Variants in FBXL13 observed in about 807,000 individuals in gnomAD.
The protein encoded by FBXL13 is F-box and leucine-rich repeat protein 13.
A neutral mutation model predicts 83.6 loss-of-function variants in FBXL13; 67 were observed. That is an observed-to-expected ratio of 0.80 (90% CI 0.66 to 0.98). FBXL13 has a LOEUF of 0.98. FBXL13 is among the 50% of genes least tolerant of loss of function. The pLI is 0.00. For synonymous variants in FBXL13, 272 were observed against 299.5 expected, an observed-to-expected ratio of 0.91 and a Z score of 0.95; for missense variants, 822 against 866.5, an observed-to-expected ratio of 0.95 and a Z score of 0.64.
At chr7:103,020,796 G>A (rs967347863) in intron 6 of FBXL13, among the ~76,000 whole-genome samples, 3 of 152,048 alleles carry the variant, frequency 2.0e-5, no homozygotes, top group Admixed American at 6.6e-5. Context: ...GGACCTCTTC[G>A]AGGAGAACTA....
At chr7:102,973,322 A>G in intron 6 of FBXL13, 1 of 577,342 alleles carries the variant, frequency 1.7e-6, no homozygotes, top group South Asian at 1.7e-5. Flanking sequence ...TCAGCAAGAT[A>G]GCAGAAGCAG....
At chr7:103,033,230 G>A (rs1482350407) in intron 2 of FBXL13, among the ~76,000 whole-genome samples, 1 of 152,108 alleles carries the variant, frequency 6.6e-6, no homozygotes, top group South Asian at 2.1e-4. Context: ...AATGGGGATG[G>A]GGTGGGGAGC....
chr7:102,957,640 C>T (rs902282860), intron 8 of FBXL13, among the ~76,000 whole-genome samples: 2 of 152,002 alleles, frequency 1.3e-5, no homozygotes, highest in South Asian at 2.1e-4. Context: ...ACCCATCTGA[C>T]AAAGGGCTAA....
intron 2 of FBXL13, among the ~76,000 whole-genome samples, chr7:103,034,599 G>T (rs1426103123): frequency 6.6e-6 from 1 of 152,196 alleles, no homozygotes; most frequent in South Asian, 2.1e-4. Flanking sequence ...ACACCTCCTC[G>T]CAAGCTGAGG....
At chr7:102,823,442 G>A (rs1031920527) in intron 18 of FBXL13, among the ~76,000 whole-genome samples, 1 of 152,150 alleles carries the variant, frequency 6.6e-6, no homozygotes, top group African/African-American at 2.4e-5. Context: ...CAGATGTTTG[G>A]AAGCAAGGGG....
chr7:102,971,166 G>A (rs1356714275), intron 6 of FBXL13, among the ~76,000 whole-genome samples: 1 of 152,140 alleles, frequency 6.6e-6, no homozygotes, highest in Non-Finnish European at 1.5e-5. Flanking sequence ...CCAAAGCACA[G>A]GAAAATTTTT....
chr7:102,902,978 G>A (rs1027641551), intron 11 of FBXL13, among the ~76,000 whole-genome samples: 7 of 151,654 alleles, frequency 4.6e-5, no homozygotes, highest in Non-Finnish European at 1.0e-4. Flanking sequence ...CTGGTATTTT[G>A]ATAGGGATTT....
rs142681662 is a variant in FBXL13, at chr7:102,931,954, G to A, written c.725-21C>T. The A allele has an allele frequency of 1.1e-4, 175 of 1,609,448 alleles. No homozygotes were observed. In the African/African-American group the frequency reaches 1.8e-3, roughly 17 times the overall value. ...GTGGCCTAAATCAAATAAGTTACAC[G>A]TCACTAAACTACATATTGCAAATGT... On this transcript the variant is annotated intron_variant, in intron 8 of 19. Transcript: ENST00000313221.
intron 15 of FBXL13, among the ~76,000 whole-genome samples, chr7:102,878,007 G>A (rs564714212): frequency 1.4e-3 from 211 of 152,230 alleles, no homozygotes; most frequent in African/African-American, 4.9e-3. Flanking sequence ...CTTGGGAAAT[G>A]CTGGAGTAAA....
At chr7:102,941,319 A>G (rs1821377607) in intron 8 of FBXL13, among the ~76,000 whole-genome samples, 1 of 152,170 alleles carries the variant, frequency 6.6e-6, no homozygotes, top group South Asian at 2.1e-4. Flanking sequence ...GTACAGGGTA[A>G]AGAATCTGGA....
At chr7:102,916,150 A>AT (rs1053258921) in intron 10 of FBXL13, among the ~76,000 whole-genome samples, 3 of 151,580 alleles carry the variant, frequency 2.0e-5, no homozygotes, top group African/African-American at 4.8e-5. Flanking sequence ...CGCCTGGCTA[A>AT]TTTTTTTTGT....
chr7:102,940,217 G>GTT (rs200641926), intron 8 of FBXL13, among the ~76,000 whole-genome samples: 1 of 117,594 alleles, frequency 8.5e-6, no homozygotes, highest in African/African-American at 3.2e-5. Context: ...TTTTTTGTTT[G>GTT]TTTTTTTTTT....
At chr7:103,000,133 A>T (rs1414892930) in intron 6 of FBXL13, among the ~76,000 whole-genome samples, 2 of 151,982 alleles carry the variant, frequency 1.3e-5, no homozygotes, top group South Asian at 2.1e-4. Flanking sequence ...ATATTTAAAA[A>T]TTTTCATCTT....
intron 6 of FBXL13, among the ~76,000 whole-genome samples, chr7:102,998,361 T>C (rs1437654270): frequency 6.6e-6 from 1 of 152,220 alleles, no homozygotes. Flanking sequence ...CTTCACTTTG[T>C]TGACTGTTTT....
At chr7:102,926,856 T>C (rs1459311649) in intron 9 of FBXL13, among the ~76,000 whole-genome samples, 1 of 152,214 alleles carries the variant, frequency 6.6e-6, no homozygotes, top group Non-Finnish European at 1.5e-5. Context: ...GTGTGTATAA[T>C]TAAGCTTCTG....
intron 16 of FBXL13, among the ~76,000 whole-genome samples, chr7:102,862,057 G>A (rs1029779930): frequency 1.4e-5 from 2 of 147,590 alleles, no homozygotes; most frequent in Non-Finnish European, 3.0e-5. Context: ...AGAAACAGAC[G>A]TTTTGGGCAG....
intron 2 of FBXL13, among the ~76,000 whole-genome samples, chr7:103,041,536 C>A (rs893105405): frequency 4.6e-5 from 7 of 152,172 alleles, no homozygotes; most frequent in African/African-American, 1.4e-4. Context: ...GAATTTTAGG[C>A]CAATATCCCT....
chr7:103,033,673 C>G (rs528223590), intron 2 of FBXL13, among the ~76,000 whole-genome samples: 1 of 152,086 alleles, frequency 6.6e-6, no homozygotes, highest in Non-Finnish European at 1.5e-5. Flanking sequence ...CAGACCTTCA[C>G]GGTGAGTGTT....
Position 102,826,724 on chromosome 7 carries a change from C to CATATATATAT in FBXL13, c.1855-4531_1855-4522dup, listed in dbSNP as rs58307950. On this transcript the variant is annotated intron_variant, in intron 18 of 19. Transcript: ENST00000313221. ...TGGGAGACAGAGTGAGACCCTGTCT[C>CATATATATAT]ATATATATATATATATATATATATA... Among the ~76,000 whole-genome samples, 144 of 62,610 alleles carry CATATATATAT rather than the reference C, an allele frequency of 2.3e-3. 4 individuals carry two copies. Among genetic ancestry groups the CATATATATAT allele is most frequent in the Non-Finnish European group, 3.8e-3 (99 of 26,210 alleles). The allele number at this position is 62,610 out of a possible 152,430, so 41.1% of individuals were successfully genotyped here.
Sources: allele counts gnomAD v4.1 joint callset (sites outside exome capture counted in the v4.1 genomes callset), GRCh38; gene constraint gnomAD v4.1.1; transcripts MANE v1.5; gene names NCBI Gene and HGNC (gene_info 2026-07-23, HGNC 2026-07-21).